MLLT10: variants seen among roughly 807,000 people sequenced by gnomAD.
The protein encoded by MLLT10 is protein AF-10.
In MLLT10, 30 loss-of-function variants were observed where a neutral mutation model predicts 129.1. The ratio of observed to expected loss-of-function variants is 0.23; its 90% confidence interval spans 0.17 to 0.32. MLLT10 has a LOEUF of 0.32. Among genes scored for constraint, MLLT10 ranks in the 10% least tolerant of loss-of-function variants. The probability of loss-of-function intolerance (pLI) is 1.00; values close to 1 mark genes in which losing one functional copy is unlikely to be tolerated. For missense variants in MLLT10, 1,119 were observed against 1,268.3 expected (o/e 0.88, Z 1.79); for synonymous variants, 490 against 446.4 (o/e 1.10, Z -1.23).
chr10:21,699,475 CTTGTGTTTTCT>C (rs1414071625), intron 13 of MLLT10, among the ~76,000 whole-genome samples: 1 of 151,644 alleles, frequency 6.6e-6, no homozygotes, highest in African/African-American at 2.4e-5. Flanking sequence ...AAGTGTTTTC[CTTGTGTTTTCT>C]TTGAGTATTT....
chr10:21,664,563 G>A (rs2050554539), intron 9 of MLLT10, among the ~76,000 whole-genome samples: 2 of 152,054 alleles, frequency 1.3e-5, no homozygotes, highest in Admixed American at 6.6e-5. Flanking sequence ...CAAAGTTGCT[G>A]GGATTACAGG....
chr10:21,637,330 C>G (rs899862792), intron 8 of MLLT10, among the ~76,000 whole-genome samples: 3 of 152,090 alleles, frequency 2.0e-5, no homozygotes, highest in Middle Eastern at 3.2e-3. Flanking sequence ...AAAAGCAGAA[C>G]GTTGAAGTGA....
At chr10:21,588,212 A>G (rs1273734122) in intron 4 of MLLT10, among the ~76,000 whole-genome samples, 4 of 151,952 alleles carry the variant, frequency 2.6e-5, no homozygotes, top group East Asian at 3.9e-4. Context: ...GATTACAGGT[A>G]TGTGCCACCA....
chr10:21,626,033 G>C, intron 8 of MLLT10: 1 of 1,282,584 alleles, frequency 7.8e-7, no homozygotes, highest in Non-Finnish European at 1.1e-6. Context: ...TACATTCAGA[G>C]TATAATCATT....
At position 21,537,744 on chromosome 10, in the gene MLLT10, C is replaced by T. The variant is rs541176090; in HGVS notation, c.161-1089C>T. Among the ~76,000 whole-genome samples, 9 of 152,282 alleles carry T rather than the reference C, an allele frequency of 5.9e-5. No individual in the cohort carries two copies. In the South Asian group the frequency reaches 1.9e-3, roughly 32 times the overall value. The stretch of plus-strand genomic sequence containing the variant: ...TCGGCCTGCCAAAGTGCTGGGATTA[C>T]AGGCATGAGCCACCGCGTCCGACCT... On this transcript the variant is annotated intron_variant, in intron 2 of 22. Transcript: ENST00000307729.
chr10:21,578,322 T>C (rs2041009889), intron 3 of MLLT10, among the ~76,000 whole-genome samples: 1 of 152,234 alleles, frequency 6.6e-6, no homozygotes, highest in African/African-American at 2.4e-5. Context: ...AACTGGGCTG[T>C]ATAGCTTTTT....
At chr10:21,544,160 A>G (rs979640826) in intron 3 of MLLT10, among the ~76,000 whole-genome samples, 5 of 152,186 alleles carry the variant, frequency 3.3e-5, no homozygotes, top group Non-Finnish European at 7.3e-5. Flanking sequence ...TAGATGTTTT[A>G]TGACAGTCTG....
intron 8 of MLLT10, chr10:21,626,338 T>A: frequency 1.2e-6 from 1 of 805,646 alleles, no homozygotes; most frequent in Non-Finnish European, 2.1e-6. Flanking sequence ...TGCAAGGCAT[T>A]TTGAAAATGA....
chr10:21,600,557 G>A (rs2043426704), intron 5 of MLLT10, among the ~76,000 whole-genome samples: 1 of 152,136 alleles, frequency 6.6e-6, no homozygotes, highest in Non-Finnish European at 1.5e-5. Flanking sequence ...TAAGGCCCCT[G>A]ATATTCATAT....
rs558194556 is a variant in MLLT10 at position 21,575,439 on chromosome 10, C to T, written c.241-10855C>T. Among the ~76,000 whole-genome samples the T allele has an allele frequency of 3.8e-4, 58 of 152,292 alleles. 1 individual carries two copies. Among genetic ancestry groups the T allele is most frequent in the Non-Finnish European group, 1.3e-4 (9 of 68,030 alleles). On this transcript the variant is annotated intron_variant, in intron 3 of 22. Transcript: ENST00000307729. ...CTTGAACTTGCGACCTCAGATGATC[C>T]ACCTGCCTTGGCCTTCCAAAGTGTT...
At chr10:21,553,390 A>G (rs2037394216) in intron 3 of MLLT10, among the ~76,000 whole-genome samples, 1 of 146,494 alleles carries the variant, frequency 6.8e-6, no homozygotes, top group Non-Finnish European at 1.5e-5. Context: ...CAGTGGTGTG[A>G]TCTCTGCTCA....
At chr10:21,545,501 G>A (rs1046663862) in intron 3 of MLLT10, among the ~76,000 whole-genome samples, 1 of 152,132 alleles carries the variant, frequency 6.6e-6, no homozygotes, top group Non-Finnish European at 1.5e-5. Flanking sequence ...GAAGATAGAG[G>A]ATTTGATTGT....
At chr10:21,589,102 T>C (rs1005457444) in intron 4 of MLLT10, among the ~76,000 whole-genome samples, 4 of 152,102 alleles carry the variant, frequency 2.6e-5, no homozygotes, top group African/African-American at 9.7e-5. Flanking sequence ...TTTACTTTGA[T>C]TTATTGGAGT....
At chr10:21,544,304 C>G (rs958416192) in intron 3 of MLLT10, among the ~76,000 whole-genome samples, 2 of 152,178 alleles carry the variant, frequency 1.3e-5, no homozygotes, top group Admixed American at 1.3e-4. Context: ...CAGTCCCAAT[C>G]TCATGTTCCT....
At chr10:21,690,630 C>G (rs1032189032) in intron 13 of MLLT10, among the ~76,000 whole-genome samples, 1 of 151,828 alleles carries the variant, frequency 6.6e-6, no homozygotes, top group East Asian at 1.9e-4. Context: ...TCTCTTTCCT[C>G]TCCTCTTGTA....
intron 15 of MLLT10, among the ~76,000 whole-genome samples, chr10:21,726,681 C>CTTT (rs35036202): frequency 1.0e-3 from 91 of 87,568 alleles, no homozygotes; most frequent in East Asian, 1.8e-3. Context: ...TAGCAATGTC[C>CTTT]TTTTTTTTTT....
chr10:21,537,735 C>G (rs987692463), intron 2 of MLLT10, among the ~76,000 whole-genome samples: 1 of 152,154 alleles, frequency 6.6e-6, no homozygotes, highest in Non-Finnish European at 1.5e-5. Flanking sequence ...TGCCAAAGTG[C>G]TGGGATTACA....
intron 21 of MLLT10, 39 bp from the exon 22 acceptor site, chr10:21,739,991 C>T (rs1211870099): frequency 6.6e-7 from 1 of 1,509,604 alleles, no homozygotes; most frequent in Non-Finnish European, 9.0e-7. Context: ...GAATTCCGTG[C>T]TTGGGAACTC....
At chr10:21,566,135 A>G (rs1451028362) in intron 3 of MLLT10, among the ~76,000 whole-genome samples, 1 of 151,060 alleles carries the variant, frequency 6.6e-6, no homozygotes, top group Non-Finnish European at 1.5e-5. Context: ...TTGTATTTTT[A>G]GTAGAGATGG....
Sources: allele counts gnomAD v4.1 joint callset (sites outside exome capture counted in the v4.1 genomes callset), GRCh38; gene constraint gnomAD v4.1.1; transcripts MANE v1.5; gene names NCBI Gene and HGNC (gene_info 2026-07-23, HGNC 2026-07-21).